The following ASTN1 variants were observed in gnomAD, a reference collection of about 807,000 sequenced individuals.
The protein encoded by ASTN1 is astrotactin 1, also known as astrotactin-1.
Under a neutral mutation model 140.7 loss-of-function variants are expected in ASTN1, and 41 were observed. The observed-to-expected ratio is 0.29, with a 90% confidence interval of 0.23 to 0.38. The LOEUF is 0.38. Ranked by LOEUF, ASTN1 falls within the 10% of genes least tolerant of loss-of-function variation. The probability of loss-of-function intolerance (pLI) is 1.00; values close to 1 mark genes in which losing one functional copy is unlikely to be tolerated. For missense variants in ASTN1, 1,479 were observed against 1,678.8 expected, an observed-to-expected ratio of 0.88 and a Z score of 2.08; for synonymous variants, 640 against 652.2, an observed-to-expected ratio of 0.98 and a Z score of 0.29.
intron 8 of ASTN1, among the ~76,000 whole-genome samples, chr1:177,003,611 G>A (rs1445018003): frequency 6.6e-6 from 1 of 152,138 alleles, no homozygotes; most frequent in African/African-American, 2.4e-5. Context: ...GGAAGTTCGA[G>A]ACCAGCCTGA....
Position 177,164,374 on chromosome 1 carries a change from C to G in ASTN1, c.283+20G>C, listed in dbSNP as rs780345173. On this transcript the variant is annotated intron_variant, in intron 1 of 22. Transcript: ENST00000361833. ...GCCGGTCCAGCGCCTCCGGCCGCCT[C>G]GACCTCCCCCGGGACTCACCCAGCA... 1.3e-6 allele frequency: 2 copies of G among 1,548,892 alleles called. No homozygotes were observed. The highest frequency in any genetic ancestry group is 1.4e-5 in the African/African-American group (1 of 72,304).
chr1:177,090,106 G>A (rs1188443772), intron 1 of ASTN1, among the ~76,000 whole-genome samples: 1 of 151,636 alleles, frequency 6.6e-6, no homozygotes, highest in Non-Finnish European at 1.5e-5. Flanking sequence ...AATTTAGAAA[G>A]GTACAATTTA....
intron 20 of ASTN1, among the ~76,000 whole-genome samples, chr1:176,882,299 A>G (rs999457468): frequency 3.9e-5 from 6 of 152,206 alleles, no homozygotes; most frequent in African/African-American, 1.2e-4. Context: ...TTCCTCAAAA[A>G]TGACTCCTTG....
At chr1:177,040,129 T>C (rs1426856260) in intron 2 of ASTN1, among the ~76,000 whole-genome samples, 1 of 152,228 alleles carries the variant, frequency 6.6e-6, no homozygotes, top group East Asian at 1.9e-4. Flanking sequence ...AGAAATCCAT[T>C]ATCCCCTGCC....
intron 16 of ASTN1, among the ~76,000 whole-genome samples, chr1:176,915,286 T>A (rs1303428924): frequency 6.6e-6 from 1 of 152,158 alleles, no homozygotes; most frequent in Admixed American, 6.5e-5. Flanking sequence ...CTCTTAGTCC[T>A]TACAATATTC....
At chr1:177,128,245 G>A (rs944151967) in intron 1 of ASTN1, among the ~76,000 whole-genome samples, 3 of 152,080 alleles carry the variant, frequency 2.0e-5, no homozygotes, top group Non-Finnish European at 4.4e-5. Context: ...CCTTTCTGAA[G>A]ATTATTTTTT....
chr1:177,103,581 A>C (rs1224816967), intron 1 of ASTN1, among the ~76,000 whole-genome samples: 1 of 152,194 alleles, frequency 6.6e-6, no homozygotes, highest in Non-Finnish European at 1.5e-5. Context: ...ATACTCAATC[A>C]TAATCATGCA....
intron 2 of ASTN1, among the ~76,000 whole-genome samples, chr1:177,037,970 GT>G (rs1316497786): frequency 6.6e-6 from 1 of 152,184 alleles, no homozygotes; most frequent in African/African-American, 2.4e-5. Context: ...TAAGAGAATA[GT>G]ATGAGATTTG....
intron 1 of ASTN1, among the ~76,000 whole-genome samples, chr1:177,092,109 T>A (rs1399408150): frequency 6.6e-6 from 1 of 152,172 alleles, no homozygotes; most frequent in Admixed American, 6.5e-5. Context: ...CCACTTTAAA[T>A]TCCCACCAGC....
rs201822123 is a variant in ASTN1, at chr1:176,957,767, G to A, written c.1798C>T (p.Pro600Ser). The change falls in exon 11 of 23, where the codon CCG becomes TCG. Residue 600 changes from proline (P) to serine (S), a missense_variant. Around this residue, in one of 3 missense-constraint regions of ASTN1, gnomAD observed 729 missense variants for 860.4 expected, o/e 0.85. Transcript: ENST00000361833. ...SLEVLLDSFG[P>S]VRDCSKDNGG... ...TTATCTTTGCTGCAGTCGCGCACCG[G>A]CCCAAAGGAATCTAAGAGAACCTCC... The A allele has an allele frequency of 7.6e-5, 122 of 1,613,906 alleles. No individual in the cohort carries two copies. Among genetic ancestry groups the A allele is most frequent in the Non-Finnish European group, 9.9e-5 (117 of 1,179,984 alleles).
intron 1 of ASTN1, among the ~76,000 whole-genome samples, chr1:177,104,613 G>A (rs769545420): frequency 1.3e-4 from 20 of 152,180 alleles, no homozygotes; most frequent in Non-Finnish European, 2.1e-4. Flanking sequence ...ATTAAAAAGT[G>A]TGATTTTCGC....
chr1:176,978,913 G>T (rs186941058), intron 8 of ASTN1, among the ~76,000 whole-genome samples: 1 of 152,120 alleles, frequency 6.6e-6, no homozygotes, highest in Non-Finnish European at 1.5e-5. Flanking sequence ...ATACCTAAGA[G>T]AAATGAGGAA....
At position 176,899,029 on chromosome 1, in the gene ASTN1, G is replaced by T. The variant is rs1243880157; in HGVS notation, c.2672-4199C>A. On this transcript the variant is annotated intron_variant, in intron 16 of 22. Coordinates refer to ENST00000361833, the MANE Select transcript of ASTN1 (RefSeq NM_004319.3). ...TGTTTGCAGAATTCACTCCACTGTTGTCAGGGAAGGTCCGGAGTCCAGTCA... is the reference window on the plus strand; with the variant it reads ...TGTTTGCAGAATTCACTCCACTGTTTTCAGGGAAGGTCCGGAGTCCAGTCA... Among the ~76,000 whole-genome samples the T allele has an allele frequency of 5.3e-5, 8 of 152,266 alleles. No individual in the cohort carries two copies. The South Asian group carries it at 1.5e-3, about 28-fold the overall frequency.
intron 20 of ASTN1, among the ~76,000 whole-genome samples, chr1:176,880,283 G>T (rs534016728): frequency 1.3e-5 from 2 of 152,150 alleles, no homozygotes; most frequent in African/African-American, 2.4e-5. Flanking sequence ...TGGAGGACTC[G>T]TAAGCCCCCT....
At chr1:176,879,222 GT>G (rs1377059036) in intron 20 of ASTN1, among the ~76,000 whole-genome samples, 1 of 152,178 alleles carries the variant, frequency 6.6e-6, no homozygotes. Context: ...CTAGGCCCCT[GT>G]TCTGGTTTCC....
At chr1:177,161,390 C>A (rs1292024642) in intron 1 of ASTN1, among the ~76,000 whole-genome samples, 1 of 152,206 alleles carries the variant, frequency 6.6e-6, no homozygotes, top group Non-Finnish European at 1.5e-5. Flanking sequence ...ATGTCTTCAC[C>A]TTTCCTAGTC....
intron 8 of ASTN1, among the ~76,000 whole-genome samples, chr1:176,972,869 CACTT>C (rs532157207): frequency 3.5e-4 from 54 of 152,228 alleles, no homozygotes; most frequent in Middle Eastern, 3.4e-3. Context: ...CTGGCTCTAT[CACTT>C]ACTATCTCTG....
At chr1:177,076,278 CA>C (rs1171864161) in intron 1 of ASTN1, among the ~76,000 whole-genome samples, 2,041 of 77,648 alleles carry the variant, frequency 0.026, 22 homozygotes, top group African/African-American at 0.084. Context: ...GACTATGTCT[CA>C]AAAAAAAAAA....
intron 5 of ASTN1, among the ~76,000 whole-genome samples, chr1:177,025,223 C>G (rs16850644): frequency 0.14 from 20,709 of 152,152 alleles, 1,788 homozygotes; most frequent in East Asian, 0.19. Flanking sequence ...ATGGGCAAGA[C>G]TCCTACCAAG....
Sources: allele counts gnomAD v4.1 joint callset (sites outside exome capture counted in the v4.1 genomes callset), GRCh38; gene constraint gnomAD v4.1.1; regional missense constraint gnomAD v4.1.1; transcripts MANE v1.5; gene names NCBI Gene and HGNC (gene_info 2026-07-23, HGNC 2026-07-21).